The following ZNF83 variants were observed in gnomAD, a reference collection of about 807,000 sequenced individuals.
ZNF83 encodes zinc finger protein 816B.
For missense variants in ZNF83, 552 were observed against 629.9 expected (o/e 0.88, Z 1.32); for synonymous variants, 209 against 213.0 (o/e 0.98, Z 0.17).
intron 2 of ZNF83, among the ~76,000 whole-genome samples, chr19:52,625,430 C>CG (rs1184258545): frequency 6.6e-6 from 1 of 152,136 alleles, no homozygotes; most frequent in African/African-American, 2.4e-5. Context: ...CATATTTGGA[C>CG]TCCCCACAAC....
chr19:52,687,898 C>T (rs557097995), intron 1 of ZNF83, among the ~76,000 whole-genome samples: 5 of 151,590 alleles, frequency 3.3e-5, no homozygotes, highest in South Asian at 2.1e-4. Flanking sequence ...CACTGCCCCA[C>T]GTCCTACCCC....
At chr19:52,642,066 A>C (rs1017596236), upstream of ZNF83, among the ~76,000 whole-genome samples, 1 of 152,084 alleles carries the variant, frequency 6.6e-6, no homozygotes, top group African/African-American at 2.4e-5. Context: ...AATCTGGCTC[A>C]TTGACTCTGA....
chr19:52,660,579 G>A (rs2061566962), intron 2 of ZNF83, among the ~76,000 whole-genome samples: 1 of 152,052 alleles, frequency 6.6e-6, no homozygotes, highest in African/African-American at 2.4e-5. Context: ...GATTGCTCCA[G>A]TGAACTCCAG....
At chr19:52,643,570 A>G (rs1007932547) in intron 3 of ZNF83, among the ~76,000 whole-genome samples, 3 of 151,912 alleles carry the variant, frequency 2.0e-5, no homozygotes, top group Non-Finnish European at 4.4e-5. Flanking sequence ...GTGTTGTGGC[A>G]TGCACCTGTA....
At chr19:52,620,136 C>CA (rs1568534519) in intron 2 of ZNF83, among the ~76,000 whole-genome samples, 1 of 152,164 alleles carries the variant, frequency 6.6e-6, no homozygotes, top group African/African-American at 2.4e-5. Context: ...CGCAGACTCA[C>CA]AAAAAACTAG....
chr19:52,667,912 T>C (rs936630585), intron 1 of ZNF83, among the ~76,000 whole-genome samples: 1 of 152,196 alleles, frequency 6.6e-6, no homozygotes, highest in Non-Finnish European at 1.5e-5. Context: ...AAATCATACA[T>C]GAAGTGTTAA....
intron 2 of ZNF83, among the ~76,000 whole-genome samples, chr19:52,621,264 T>C (rs1432070328): frequency 1.3e-5 from 2 of 152,232 alleles, no homozygotes; most frequent in African/African-American, 4.8e-5. Flanking sequence ...GTCTTTTTAC[T>C]GTCTTCTCCA....
At chr19:52,667,045 G>A (rs986666256) in intron 1 of ZNF83, among the ~76,000 whole-genome samples, 14 of 152,092 alleles carry the variant, frequency 9.2e-5, no homozygotes, top group African/African-American at 3.1e-4. Flanking sequence ...GACTGAACAA[G>A]GTCTTATTAA....
chr19:52,613,180 C>T, exon 3 of ZNF83: 1 of 1,614,132 alleles, frequency 6.2e-7, no homozygotes, highest in South Asian at 1.1e-5. Flanking sequence ...AGCTTTGCCA[C>T]ATTCATTACA....
At chr19:52,628,000 T>G (rs2060806335) in intron 2 of ZNF83, among the ~76,000 whole-genome samples, 1 of 152,154 alleles carries the variant, frequency 6.6e-6, no homozygotes, top group Admixed American at 6.6e-5. Context: ...GAGTACGTTG[T>G]GACACCCACT....
intron 2 of ZNF83, among the ~76,000 whole-genome samples, chr19:52,631,410 T>C (rs1335389428): frequency 6.6e-6 from 1 of 152,204 alleles, no homozygotes; most frequent in African/African-American, 2.4e-5. Context: ...CTGGCCATGA[T>C]GTCTGCGTGC....
At chr19:52,678,716 G>T (rs1038774958) in intron 1 of ZNF83, among the ~76,000 whole-genome samples, 6 of 152,096 alleles carry the variant, frequency 3.9e-5, no homozygotes, top group Admixed American at 6.5e-5. Context: ...GCTCATGCCT[G>T]TAATCCCAGT....
rs1202358011 is a variant in ZNF83, at chr19:52,687,544, A to T, written c.-283+2899T>A. Among the ~76,000 whole-genome samples the T allele has an allele frequency of 8.0e-5, 2 of 25,138 alleles. 1 individual carries two copies. Among genetic ancestry groups the T allele is most frequent in the Admixed American group, 6.9e-4 (2 of 2,896 alleles). The allele number at this position is 25,138 out of a possible 152,430, so 16.5% of individuals were successfully genotyped here. ...ATTTTATATATAAATTATATATATA[A>T]ATTATATGTGTAAATTTTATATATA... On this transcript the variant is annotated intron_variant, in intron 1 of 5. Coordinates refer to the ZNF83 transcript ENST00000594682.
intron 3 of ZNF83, chr19:52,651,610 G>A (rs1242715465): frequency 1.3e-5 from 2 of 150,450 alleles, no homozygotes; most frequent in African/African-American, 4.9e-5. Flanking sequence ...TTGAATGCAG[G>A]AGGTGGAGGT....
upstream of ZNF83, among the ~76,000 whole-genome samples, chr19:52,639,036 C>G (rs1464652946): frequency 6.6e-6 from 1 of 152,154 alleles, no homozygotes; most frequent in Non-Finnish European, 1.5e-5. Flanking sequence ...AGGGATCCAA[C>G]ATTATTCTTT....
chr19:52,613,553 TTCTC>T, exon 3 of ZNF83: 4 of 1,614,130 alleles, frequency 2.5e-6, no homozygotes, highest in Non-Finnish European at 3.4e-6. Context: ...CCAGTGTGGA[TTCTC>T]CAGTGATTTA....
At chr19:52,683,549 A>C (rs8111553) in intron 1 of ZNF83, among the ~76,000 whole-genome samples, 18,529 of 133,978 alleles carry the variant, frequency 0.14, 1,642 homozygotes, top group East Asian at 0.35. Context: ...CCCTGCCCAT[A>C]ATGGCCAAAC....
intron 3 of ZNF83, among the ~76,000 whole-genome samples, chr19:52,649,978 G>A (rs539218655): frequency 1.3e-5 from 2 of 152,116 alleles, no homozygotes; most frequent in African/African-American, 4.8e-5. Context: ...ATGAGACAGG[G>A]GGGCCACAGA....
At chr19:52,632,697 A>T (rs1423568854) in intron 2 of ZNF83, among the ~76,000 whole-genome samples, 1 of 152,174 alleles carries the variant, frequency 6.6e-6, no homozygotes, top group Non-Finnish European at 1.5e-5. Flanking sequence ...ACTCTCTAGT[A>T]TTAGATGTCG....
Sources: allele counts gnomAD v4.1 joint callset (sites outside exome capture counted in the v4.1 genomes callset), GRCh38; gene constraint gnomAD v4.1.1; transcripts MANE v1.5; gene names NCBI Gene and HGNC (gene_info 2026-07-23, HGNC 2026-07-21).